Variants in SMU1 observed in about 807,000 individuals in gnomAD.
SMU1 encodes the protein WD40 repeat-containing protein SMU1.
SMU1 carries 2 observed loss-of-function variants against 62.0 expected under a neutral mutation model. The ratio of observed to expected loss-of-function variants is 0.03; its 90% CI spans 0.01 to 0.10. The LOEUF is 0.10. Ranked by LOEUF, SMU1 falls within the 10% of genes least tolerant of loss-of-function variation. The probability of loss-of-function intolerance (pLI) is 1.00; values close to 1 mark genes in which losing one functional copy is unlikely to be tolerated. For synonymous variants in SMU1, 188 were observed against 212.4 expected (o/e 0.89, Z 1.00); for missense variants, 227 against 622.1 (o/e 0.36, Z 6.76).
chr9:33,060,076 C>A (rs78695019), intron 6 of SMU1, among the ~76,000 whole-genome samples: 5,987 of 152,266 alleles, frequency 0.039, 147 homozygotes, highest in East Asian at 0.11. Context: ...GTAGCATAAT[C>A]ATGGCTCACT....
At chr9:33,067,902 T>C (rs1283583790) in intron 4 of SMU1, among the ~76,000 whole-genome samples, 3 of 152,182 alleles carry the variant, frequency 2.0e-5, no homozygotes, top group Non-Finnish European at 4.4e-5. Context: ...GTTATTAACA[T>C]CCCTATTAAT....
chr9:33,061,895 C>A (rs1025556358), intron 5 of SMU1, among the ~76,000 whole-genome samples, 154 bp downstream of exon 5: 1 of 152,208 alleles, frequency 6.6e-6, no homozygotes, highest in Non-Finnish European at 1.5e-5. Context: ...ACAGCAGTAT[C>A]CCAGTGGACA....
Position 33,067,327 on chromosome 9 carries a change from A to G in SMU1, c.501+1497T>C, listed in dbSNP as rs1839433339. ...AAAAAAAAAAAAAAAAAAAAAAATC[A>G]GGTAATAACAGTATAAACATGGTAT... On this transcript the variant is annotated intron_variant, in intron 4 of 11. Coordinates refer to ENST00000397149, the MANE Select transcript of SMU1 (RefSeq NM_018225.3). Among the ~76,000 whole-genome samples the G allele has an allele frequency of 2.8e-5, 4 of 145,004 alleles. No individual in the cohort carries two copies. The South Asian group carries it at 8.7e-4, about 31-fold the overall frequency.
At chr9:33,074,880 C>T (rs1046825929) in intron 1 of SMU1, among the ~76,000 whole-genome samples, 2 of 151,076 alleles carry the variant, frequency 1.3e-5, no homozygotes, top group African/African-American at 2.4e-5. Flanking sequence ...ATCAGGTGAT[C>T]CTCTCACCTC....
In SMU1 at chr9:33,071,912, C is replaced by CA. The variant is rs760771779; in HGVS notation, c.238-21dup. The CA allele has an allele frequency of 6.4e-5, 95 of 1,492,580 alleles. No homozygotes were observed. The highest frequency in any genetic ancestry group is 2.0e-4 in the African/African-American group (14 of 68,564). The allele number at this position is 1,492,580 out of a possible 1,614,324, so 92.5% of individuals were successfully genotyped here. ...AACAACCTGGACAATTAAAAAAAAACAAAAAAAACCCCAGATGTTTCAACA... is the reference window on the plus strand; with the variant it reads ...AACAACCTGGACAATTAAAAAAAAACAAAAAAAAACCCCAGATGTTTCAACA... On this transcript the variant is annotated intron_variant, in intron 2 of 11. Transcript: ENST00000397149.
At chr9:33,058,353 G>A (rs970773193) in intron 6 of SMU1, among the ~76,000 whole-genome samples, 1 of 152,146 alleles carries the variant, frequency 6.6e-6, no homozygotes, top group African/African-American at 2.4e-5. Context: ...GTCTTGCTCT[G>A]TCGTCTAGGC....
intron 4 of SMU1, among the ~76,000 whole-genome samples, chr9:33,067,803 A>C (rs1343029043): frequency 6.6e-6 from 1 of 152,082 alleles, no homozygotes; most frequent in African/African-American, 2.4e-5. Flanking sequence ...CAGGCCAAAA[A>C]GCAGCTTACT....
chr9:33,073,464 C>T (rs1192495160), intron 2 of SMU1, 132 bp downstream of exon 2: 4 of 615,212 alleles, frequency 6.5e-6, no homozygotes, highest in Middle Eastern at 8.8e-4. Context: ...AATACAATGT[C>T]AAGCCTTGCC....
At position 33,046,057 on chromosome 9, in the gene SMU1, G is replaced by A. The variant is rs1839181597; in HGVS notation, c.*1236C>T. 1 of 152,212 alleles carries A rather than the reference G, an allele frequency of 6.6e-6. No homozygotes were observed. The highest frequency in any genetic ancestry group is 2.1e-4 in the South Asian group (1 of 4,836). 9.4% of individuals were successfully genotyped at this position (152,212 alleles called of 1,614,324 possible). On this transcript the variant is annotated 3_prime_UTR_variant, in exon 12 of 12. Transcript: ENST00000397149. ...TGCTCTATACATCTTCAGTTGAAACGTGAAACAGACATCCATATGCAAAAT... is the reference window on the plus strand; with the variant it reads ...TGCTCTATACATCTTCAGTTGAAACATGAAACAGACATCCATATGCAAAAT...
intron 5 of SMU1, among the ~76,000 whole-genome samples, chr9:33,061,328 C>A (rs573706270): frequency 6.6e-6 from 1 of 152,224 alleles, no homozygotes; most frequent in South Asian, 2.1e-4. Flanking sequence ...AGGTTTCAGG[C>A]AGAGTAAATA....
intron 8 of SMU1, 58 bp downstream of exon 8, chr9:33,056,779 C>A: frequency 6.4e-7 from 1 of 1,558,540 alleles, no homozygotes; most frequent in Non-Finnish European, 8.8e-7. Flanking sequence ...CTAGTACCTC[C>A]CTCCATGGCC....
rs375129089 is a variant in SMU1, at chr9:33,073,571, G to A, written c.237+25C>T. 4 of 1,575,150 alleles carry A rather than the reference G, an allele frequency of 2.5e-6. No individual in the cohort carries two copies. The African/African-American group carries it at 4.1e-5, about 16-fold the overall frequency. On this transcript the variant is annotated intron_variant, in intron 2 of 11. Coordinates refer to ENST00000397149, the MANE Select transcript of SMU1 (RefSeq NM_018225.3). The stretch of plus-strand genomic sequence containing the variant: ...TGGCCCACAACGAACCAACCCATGG[G>A]GATCAGCATCACCACCACTCTTACC...
intron 6 of SMU1, 82 bp from the exon 7 acceptor site, chr9:33,057,796 C>A: frequency 6.3e-7 from 1 of 1,575,694 alleles, no homozygotes. Flanking sequence ...AAACCAGGGG[C>A]AATGGATTGT....
At position 33,044,751 on chromosome 9, in the gene SMU1, T is replaced by C. The variant is rs963557218; in HGVS notation, c.*2542A>G. The C allele has an allele frequency of 1.1e-4, 17 of 152,228 alleles. No homozygotes were observed. The highest frequency in any genetic ancestry group is 4.1e-4 in the African/African-American group (17 of 41,454). The allele number at this position is 152,228 out of a possible 1,614,324, so 9.4% of individuals were successfully genotyped here. ...CATGTTCACCCAGTGCATTATTTTA[T>C]TTAAAAAGAAGAAAAATATATACTT... On this transcript the variant is annotated 3_prime_UTR_variant, in exon 12 of 12. Transcript: ENST00000397149.
rs112461292 is a variant in SMU1 at position 33,051,046 on chromosome 9, A to G, written c.1290+2077T>C. ...TGAGGCAGGAGAATGGCGTGAACCCAGGAGGCGGAGCTTGCAGTGAGCCGA... is the reference window on the plus strand; with the variant it reads ...TGAGGCAGGAGAATGGCGTGAACCCGGGAGGCGGAGCTTGCAGTGAGCCGA... On this transcript the variant is annotated intron_variant, in intron 10 of 11. Coordinates refer to ENST00000397149, the MANE Select transcript of SMU1 (RefSeq NM_018225.3). Among the ~76,000 whole-genome samples, 11 of 95,832 alleles carry G rather than the reference A, an allele frequency of 1.1e-4. 1 individual carries two copies. The highest frequency in any genetic ancestry group is 3.3e-4 in the Admixed American group (3 of 9,182). The allele number at this position is 95,832 out of a possible 152,430, so 62.9% of individuals were successfully genotyped here. A position where few individuals can be genotyped will look rare whatever the true frequency, so the allele number is the denominator to read the frequency against.
At chr9:33,073,853 G>A in intron 1 of SMU1, 47 bp from the exon 2 acceptor site, 3 of 1,554,182 alleles carry the variant, frequency 1.9e-6, no homozygotes, top group Non-Finnish European at 2.7e-6. Flanking sequence ...ACTCACCAGA[G>A]GTCAAAAATA....
At chr9:33,048,388 C>A in intron 10 of SMU1, 130 bp from the exon 11 acceptor site, 1 of 1,119,188 alleles carries the variant, frequency 8.9e-7, no homozygotes, top group Non-Finnish European at 1.3e-6. Context: ...AATTAGATCT[C>A]CAGTCCTGTT....
rs1190339733 is a variant in SMU1 at position 33,076,630 on chromosome 9, G to A, written c.-22C>T. On this transcript the variant is annotated 5_prime_UTR_variant, in exon 1 of 12. Coordinates refer to ENST00000397149, the MANE Select transcript of SMU1 (RefSeq NM_018225.3). ...ACATAGCCGTATCTCTCCGGGAGCA[G>A]GCCCCAGCTCTCCCTCAAGGCCAGT... 2 of 1,613,714 alleles carry A rather than the reference G, an allele frequency of 1.2e-6. No individual in the cohort carries two copies. The highest frequency in any genetic ancestry group is 1.3e-5 in the African/African-American group (1 of 74,920).
chr9:33,058,701 C>T (rs1316564755), intron 6 of SMU1, among the ~76,000 whole-genome samples: 1 of 151,948 alleles, frequency 6.6e-6, no homozygotes, highest in Admixed American at 6.6e-5. Flanking sequence ...CCAACTTTAT[C>T]CCGCTAAACA....
Sources: allele counts gnomAD v4.1 joint callset (sites outside exome capture counted in the v4.1 genomes callset), GRCh38; gene constraint gnomAD v4.1.1; transcripts MANE v1.5; gene names NCBI Gene and HGNC (gene_info 2026-07-23, HGNC 2026-07-21).